APBA2: variants seen among roughly 807,000 people sequenced by gnomAD.
APBA2 encodes amyloid-beta A4 precursor protein-binding family A member 2.
A neutral mutation model predicts 75.0 loss-of-function variants in APBA2; 30 were observed. The ratio of observed to expected loss-of-function variants is 0.40; its 90% CI spans 0.30 to 0.54. The LOEUF is 0.54. APBA2 is among the 20% of genes least tolerant of loss of function. The pLI is 0.49. For missense variants in APBA2, 801 were observed against 1,016.1 expected, an observed-to-expected ratio of 0.79 and a Z score of 2.88; for synonymous variants, 444 against 409.6, an observed-to-expected ratio of 1.08 and a Z score of -1.01.
chr15:29,070,962 C>T (rs879239077), intron 4 of APBA2: 3 of 409,400 alleles, frequency 7.3e-6, no homozygotes, highest in Non-Finnish European at 1.5e-5. Context: ...GGAGAATTTT[C>T]ACAGGCCACT....
At chr15:28,980,791 T>C (rs913305720) in intron 2 of APBA2, among the ~76,000 whole-genome samples, 1 of 152,080 alleles carries the variant, frequency 6.6e-6, no homozygotes, top group Admixed American at 6.5e-5. Flanking sequence ...CAAACTATAC[T>C]ACGAGGCTGC....
intron 6 of APBA2, among the ~76,000 whole-genome samples, chr15:29,080,401 G>T (rs892708978): frequency 2.6e-5 from 4 of 152,110 alleles, no homozygotes; most frequent in African/African-American, 9.7e-5. Context: ...AGAGTTCAGT[G>T]GAGGGGAGCG....
intron 10 of APBA2, among the ~76,000 whole-genome samples, chr15:29,103,382 G>A (rs995782475): frequency 5.9e-5 from 9 of 152,256 alleles, no homozygotes; most frequent in Non-Finnish European, 1.2e-4. Context: ...GAGCCCTGAG[G>A]TGGGGCCTGG....
Position 29,053,911 on chromosome 15 carries a change from G to A in APBA2, c.27G>A (p.Val9=). 2 of 1,612,680 alleles carry A rather than the reference G, an allele frequency of 1.2e-6. No homozygotes were observed. Among genetic ancestry groups the A allele is most frequent in the Non-Finnish European group, 8.5e-7 (1 of 1,178,926 alleles). Residue 9 remains valine, a synonymous_variant, in exon 4 of 15, where the codon GTG becomes GTA. Transcript: ENST00000683413. The part of the protein sequence containing the change: MAHRKLES[V]GSGMLDHRVR... ...TGGCCCACCGGAAGCTTGAGAGCGT[G>A]GGGAGCGGCATGTTGGACCATAGGG... is the stretch of plus-strand genomic sequence containing the variant.
intron 2 of APBA2, among the ~76,000 whole-genome samples, chr15:28,940,621 C>T (rs1045234099): frequency 5.9e-5 from 9 of 151,844 alleles, no homozygotes; most frequent in Middle Eastern, 3.4e-3. Flanking sequence ...AACTACAAAT[C>T]CATAAGTAGC....
intron 3 of APBA2, among the ~76,000 whole-genome samples, chr15:29,018,054 G>A (rs1226440655): frequency 6.6e-6 from 1 of 152,126 alleles, no homozygotes; most frequent in Non-Finnish European, 1.5e-5. Context: ...TGTCTGCAAC[G>A]TGGCTGCACA....
chr15:28,896,522 G>T (rs1366644785), intron 1 of APBA2, among the ~76,000 whole-genome samples: 3 of 152,142 alleles, frequency 2.0e-5, no homozygotes, highest in East Asian at 1.9e-4. Flanking sequence ...CTCATGATTC[G>T]CCCACATCGG....
At chr15:28,952,145 T>A (rs2035923635) in intron 2 of APBA2, among the ~76,000 whole-genome samples, 1 of 152,062 alleles carries the variant, frequency 6.6e-6, no homozygotes, top group Admixed American at 6.6e-5. Flanking sequence ...ATGGGAACCA[T>A]GACCACGTGT....
chr15:28,899,356 G>T (rs533705312), intron 1 of APBA2, among the ~76,000 whole-genome samples: 16 of 152,348 alleles, frequency 1.1e-4, no homozygotes, highest in African/African-American at 3.8e-4. Context: ...TGCCCCCAGA[G>T]CTCTTGTTCT....
intron 1 of APBA2, among the ~76,000 whole-genome samples, chr15:28,909,579 G>A (rs1400312004): frequency 6.6e-6 from 1 of 152,158 alleles, no homozygotes; most frequent in Non-Finnish European, 1.5e-5. Context: ...GATCTTGGTC[G>A]CCTCTGTGAG....
Position 29,054,268 on chromosome 15 carries a change from T to G in APBA2, c.384T>G (p.Pro128=), listed in dbSNP as rs754615209. 14 of 1,614,084 alleles carry G rather than the reference T, an allele frequency of 8.7e-6. No homozygotes were observed. Among genetic ancestry groups the G allele is most frequent in the Non-Finnish European group, 1.2e-5 (14 of 1,180,006 alleles). The change falls in exon 4 of 15, where the codon CCT becomes CCG. Residue 128 remains proline, a synonymous_variant. Coordinates refer to ENST00000683413, the MANE Select transcript of APBA2 (RefSeq NM_001353788.2). This position sits in a 1 kb window ranked among gnomAD's most constrained non-coding sequence, Gnocchi z 6.1. ...GEEYLAHSAH[P]VDTDECQEAV... ...AGTACCTGGCCCACAGTGCACACCCTGTGGACACTGATGAGTGCCAGGAGG... is the reference window on the plus strand; with the variant it reads ...AGTACCTGGCCCACAGTGCACACCCGGTGGACACTGATGAGTGCCAGGAGG...
At chr15:28,987,727 G>GATATATATATATATATAT in intron 2 of APBA2, among the ~76,000 whole-genome samples, 1 of 115,100 alleles carries the variant, frequency 8.7e-6, no homozygotes, top group South Asian at 3.4e-4. Context: ...TATGTGGAGA[G>GATATATATATATATATAT]AGATATATAT....
At chr15:28,994,868 A>C (rs1157645816) in intron 2 of APBA2, among the ~76,000 whole-genome samples, 2 of 152,198 alleles carry the variant, frequency 1.3e-5, no homozygotes, top group Non-Finnish European at 2.9e-5. Context: ...CCTGTCCAGC[A>C]GCGCAGCCAT....
intron 8 of APBA2, among the ~76,000 whole-genome samples, chr15:29,094,709 T>C (rs1044280802): frequency 1.3e-5 from 2 of 152,232 alleles, no homozygotes; most frequent in African/African-American, 4.8e-5. Flanking sequence ...AAGCTTAATT[T>C]ACTAAGTCAG....
intron 2 of APBA2, among the ~76,000 whole-genome samples, chr15:28,946,423 C>A (rs1030541964): frequency 1.3e-5 from 2 of 152,112 alleles, no homozygotes; most frequent in Non-Finnish European, 2.9e-5. Context: ...ATGGAGGAAG[C>A]GGCTGCAAGC....
In APBA2 at chr15:29,108,126, A is replaced by C. The variant is rs1277386763; in HGVS notation, c.1918-144A>C. 2.5e-6 allele frequency: 3 copies of C among 1,198,346 alleles called. No individual in the cohort carries two copies. In the East Asian group the frequency reaches 7.3e-5, roughly 29 times the overall value. The allele number at this position is 1,198,346 out of a possible 1,614,324, so 74.2% of individuals were successfully genotyped here. A position where few individuals can be genotyped will look rare whatever the true frequency, so the allele number is the denominator to read the frequency against. On this transcript the variant is annotated intron_variant, in intron 12 of 14. Coordinates refer to ENST00000683413, the MANE Select transcript of APBA2 (RefSeq NM_001353788.2). ...CTTGTCCCCGCTGCACAGAGGGGCT[A>C]CCGAGGCTGAGAGGGGACTGCCTGC...
intron 1 of APBA2, among the ~76,000 whole-genome samples, chr15:28,909,631 G>T (rs1285858100): frequency 3.3e-5 from 5 of 152,142 alleles, no homozygotes; most frequent in African/African-American, 9.7e-5. Flanking sequence ...ATCCTGCATC[G>T]AGCTGGATGC....
intron 2 of APBA2, among the ~76,000 whole-genome samples, chr15:28,944,174 C>T (rs913112214): frequency 6.6e-6 from 1 of 152,098 alleles, no homozygotes; most frequent in South Asian, 2.1e-4. Context: ...GTGTCTCTTC[C>T]GAAAGAGACA....
chr15:28,979,232 GGCCCTACCACCAA>G (rs1446688326), intron 2 of APBA2, among the ~76,000 whole-genome samples: 1 of 151,986 alleles, frequency 6.6e-6, no homozygotes, highest in Non-Finnish European at 1.5e-5. Flanking sequence ...CTTTCTCTCG[GGCCCTACCACCAA>G]GCCCTCTCCT....
Sources: gnomAD v4.1 joint callset for allele counts (sites outside exome capture counted in the v4.1 genomes callset) on GRCh38, gnomAD v4.1.1 for gene constraint, Gnocchi (gnomAD v3.1) non-coding constraint, MANE v1.5 for transcripts, NCBI Gene and HGNC (gene_info 2026-07-23, HGNC 2026-07-21) for gene names.